AK8: variants seen among roughly 807,000 people sequenced by gnomAD.
AK8 encodes ATP-AMP transphosphorylase 8.
In AK8, 44 loss-of-function variants were observed where a neutral mutation model predicts 54.6. The ratio of observed to expected loss-of-function variants is 0.81; its 90% confidence interval spans 0.63 to 1.04. The LOEUF is 1.04. Among genes scored for constraint, AK8 ranks in the 50% least tolerant of loss-of-function variants. AK8 has a pLI of 0.00. For synonymous variants in AK8, 239 were observed against 245.6 expected (o/e 0.97, Z 0.25); for missense variants, 555 against 613.6 (o/e 0.90, Z 1.01).
chr9:132,861,339 T>C lies in AK8; in HGVS notation c.333+2326A>G, dbSNP rs557995883. 3.9e-5 allele frequency: 6 copies of C among 152,314 alleles called. No individual in the cohort carries two copies. In the East Asian group the frequency reaches 5.8e-4, roughly 15 times the overall value. The allele number at this position is 152,314 out of a possible 1,614,324, so 9.4% of individuals were successfully genotyped here. A position where few individuals can be genotyped will look rare whatever the true frequency, so the allele number is the denominator to read the frequency against. On this transcript the variant is annotated intron_variant, in intron 4 of 12. Transcript: ENST00000298545. ...CAGCCCAGAGCCAGTGCCTAGGACT[T>C]AGTAGGTGCTCAGGACTAACGTAAA...
At chr9:132,844,066 C>T (rs552730687) in intron 5 of AK8, among the ~76,000 whole-genome samples, 22 of 152,114 alleles carry the variant, frequency 1.4e-4, no homozygotes, top group African/African-American at 3.9e-4. Flanking sequence ...TGAGCCTTTC[C>T]CCCCAAGTTT....
chr9:132,846,843 G>A (rs1842772861), intron 5 of AK8, among the ~76,000 whole-genome samples: 2 of 152,150 alleles, frequency 1.3e-5, no homozygotes, highest in South Asian at 2.1e-4. Flanking sequence ...GGCTCTGGGC[G>A]TGCCTCAGGC....
At chr9:132,792,196 G>A (rs1448951814) in intron 11 of AK8, among the ~76,000 whole-genome samples, 1 of 152,192 alleles carries the variant, frequency 6.6e-6, no homozygotes, top group Non-Finnish European at 1.5e-5. Flanking sequence ...AGGGAAGACA[G>A]AACATCCAGT....
intron 1 of AK8, chr9:132,877,957 G>T: frequency 7.9e-7 from 1 of 1,258,590 alleles, no homozygotes; most frequent in Non-Finnish European, 1.1e-6. Flanking sequence ...CCTCCCCCTG[G>T]GTCCGCCTGA....
intron 5 of AK8, among the ~76,000 whole-genome samples, chr9:132,839,046 C>T (rs558695779): frequency 1.3e-5 from 2 of 151,878 alleles, no homozygotes; most frequent in African/African-American, 4.8e-5. Context: ...TGGGTTCAAG[C>T]GATTCTCCTG....
chr9:132,875,568 G>A (rs922672069), intron 1 of AK8, among the ~76,000 whole-genome samples: 2 of 152,212 alleles, frequency 1.3e-5, no homozygotes, highest in Non-Finnish European at 2.9e-5. Flanking sequence ...CCCTCAGCTT[G>A]GAAGCTTCTG....
chr9:132,824,878 T>C (rs1338821751), intron 8 of AK8, among the ~76,000 whole-genome samples: 1 of 152,204 alleles, frequency 6.6e-6, no homozygotes, highest in Non-Finnish European at 1.5e-5. Flanking sequence ...AAATACTCTA[T>C]AGGCACCATC....
At chr9:132,821,260 G>T (rs1841589867) in intron 9 of AK8, among the ~76,000 whole-genome samples, 1 of 151,630 alleles carries the variant, frequency 6.6e-6, no homozygotes, top group Non-Finnish European at 1.5e-5. Context: ...TCCACCGCGA[G>T]TGCCCCTCCA....
intron 9 of AK8, among the ~76,000 whole-genome samples, chr9:132,822,471 G>T (rs898449974): frequency 2.6e-5 from 4 of 151,032 alleles, no homozygotes; most frequent in Non-Finnish European, 5.9e-5. Flanking sequence ...GCATATATTT[G>T]GGGGTGCAGG....
At chr9:132,733,579 G>A (rs368527885) in intron 11 of AK8, among the ~76,000 whole-genome samples, 31 of 152,342 alleles carry the variant, frequency 2.0e-4, no homozygotes, top group East Asian at 1.9e-3. Context: ...CTTGGAGCAC[G>A]CTGCTGGGGA....
At chr9:132,866,976 T>C (rs748900132) in intron 2 of AK8, 23 bp from the exon 3 acceptor site, 3 of 1,613,038 alleles carry the variant, frequency 1.9e-6, no homozygotes, top group African/African-American at 1.3e-5. Context: ...AAGATTTGAA[T>C]GTCACCACTC....
intron 7 of AK8, chr9:132,827,770 C>G (rs1415798373): frequency 1.9e-6 from 1 of 523,738 alleles, no homozygotes; most frequent in East Asian, 3.2e-5. Context: ...ACCCCCCACA[C>G]TCTATTCTGG....
At chr9:132,743,197 A>G (rs1282974708) in intron 11 of AK8, among the ~76,000 whole-genome samples, 2 of 152,196 alleles carry the variant, frequency 1.3e-5, no homozygotes, top group Non-Finnish European at 2.9e-5. Context: ...AACACAGCAG[A>G]TGCTCTGCCA....
intron 5 of AK8, among the ~76,000 whole-genome samples, chr9:132,834,612 G>C (rs1842241604): frequency 6.6e-6 from 1 of 152,202 alleles, no homozygotes; most frequent in Non-Finnish European, 1.5e-5. Context: ...TCAAGGTGAG[G>C]TGTGCCCAGG....
At chr9:132,774,350 A>C (rs1318287031) in intron 11 of AK8, among the ~76,000 whole-genome samples, 1 of 152,196 alleles carries the variant, frequency 6.6e-6, no homozygotes, top group Non-Finnish European at 1.5e-5. Context: ...ATAAAAAGTA[A>C]GGCTGCACTT....
Position 132,800,215 on chromosome 9 carries a change from C to T in AK8, c.980-7440G>A, listed in dbSNP as rs950242553. 2.0e-5 allele frequency among the ~76,000 whole-genome samples: 3 copies of T among 152,198 alleles called. 1 individual carries two copies. The highest frequency in any genetic ancestry group is 4.8e-5 in the African/African-American group (2 of 41,454). On this transcript the variant is annotated intron_variant, in intron 10 of 12. Transcript: ENST00000298545. ...GGCAGCTGGGCCTGCAAGCCCGTCT[C>T]GCTGCCGTCACCAGAAATCCTGCGT...
At chr9:132,746,681 T>G (rs1837669253) in intron 11 of AK8, among the ~76,000 whole-genome samples, 1 of 152,220 alleles carries the variant, frequency 6.6e-6, no homozygotes, top group East Asian at 1.9e-4. Flanking sequence ...CAGTGGACAG[T>G]GTGCTGTCAA....
At chr9:132,737,138 A>G (rs1194606832) in intron 11 of AK8, among the ~76,000 whole-genome samples, 3 of 152,074 alleles carry the variant, frequency 2.0e-5, no homozygotes, top group African/African-American at 4.8e-5. Context: ...ACTTTATGTT[A>G]TATATATTTA....
At chr9:132,768,062 A>G (rs1838796516) in intron 11 of AK8, among the ~76,000 whole-genome samples, 2 of 152,190 alleles carry the variant, frequency 1.3e-5, no homozygotes, top group East Asian at 1.9e-4. Context: ...ATGGTTAACA[A>G]TAATTTATTG....
Sources: allele counts gnomAD v4.1 joint callset (sites outside exome capture counted in the v4.1 genomes callset), GRCh38; gene constraint gnomAD v4.1.1; transcripts MANE v1.5; gene names NCBI Gene and HGNC (gene_info 2026-07-23, HGNC 2026-07-21).